Variants in SGCZ observed in about 807,000 individuals in gnomAD.
SGCZ encodes sarcoglycan zeta, also known as zeta-sarcoglycan.
Under a neutral mutation model 41.3 loss-of-function variants are expected in SGCZ, and 40 were observed. The ratio of observed to expected loss-of-function variants is 0.97; its 90% CI spans 0.75 to 1.26. The LOEUF is 1.26. SGCZ is among the 50% of genes most tolerant of loss of function. SGCZ has a pLI of 0.00. For missense variants in SGCZ, 552 were observed against 369.8 expected (o/e 1.49, Z -4.04); for synonymous variants, 206 against 137.5 (o/e 1.50, Z -3.49).
chr8:14,199,711 G>A (rs541535057), intron 4 of SGCZ, among the ~76,000 whole-genome samples: 1 of 151,992 alleles, frequency 6.6e-6, no homozygotes, highest in African/African-American at 2.4e-5. Flanking sequence ...AAATAGAAAA[G>A]AACCTACGTG....
intron 2 of SGCZ, among the ~76,000 whole-genome samples, chr8:14,339,845 AAC>A (rs1471391479): frequency 9.2e-5 from 14 of 152,198 alleles, no homozygotes; most frequent in African/African-American, 3.4e-4. Context: ...TATTGGAAAA[AAC>A]ACATGGGAAT....
rs536097539 is a variant in SGCZ, at chr8:14,391,794, T to C, written c.235-67590A>G. ...TTTAATTGGCTCACATTTCTTCAGGTTGTACAGGAAGCATAGCAGCTTCTG... is the reference window on the plus strand; with the variant it reads ...TTTAATTGGCTCACATTTCTTCAGGCTGTACAGGAAGCATAGCAGCTTCTG... On this transcript the variant is annotated intron_variant, in intron 2 of 7. Coordinates refer to ENST00000382080, the MANE Select transcript of SGCZ (RefSeq NM_139167.4). Among the ~76,000 whole-genome samples the C allele has an allele frequency of 2.0e-5, 3 of 152,248 alleles. No individual in the cohort carries two copies. In the East Asian group the frequency reaches 5.8e-4, roughly 29 times the overall value.
intron 2 of SGCZ, among the ~76,000 whole-genome samples, chr8:14,352,432 G>T (rs1379445049): frequency 6.6e-6 from 1 of 152,092 alleles, no homozygotes; most frequent in South Asian, 2.1e-4. Flanking sequence ...AAATAAGTTT[G>T]TGTAGTTTTA....
chr8:14,858,836 A>G (rs536992133), intron 1 of SGCZ, among the ~76,000 whole-genome samples: 221 of 152,316 alleles, frequency 1.5e-3, no homozygotes, highest in African/African-American at 5.0e-3. Flanking sequence ...CGGTTTAACA[A>G]AAAACGAGTT....
chr8:14,582,678 T>G (rs1267318916), intron 1 of SGCZ, among the ~76,000 whole-genome samples: 1 of 109,402 alleles, frequency 9.1e-6, no homozygotes, highest in Non-Finnish European at 1.7e-5. Context: ...CCCACAACAG[T>G]CCCCAGAGTG....
At chr8:15,180,034 T>C (rs1027941811) in intron 1 of SGCZ, among the ~76,000 whole-genome samples, 16 of 152,142 alleles carry the variant, frequency 1.1e-4, no homozygotes, top group Non-Finnish European at 1.8e-4. Flanking sequence ...CTATGTGTTA[T>C]AAAAAAAATT....
chr8:14,653,072 T>C (rs1365686253), intron 1 of SGCZ, among the ~76,000 whole-genome samples: 1 of 152,108 alleles, frequency 6.6e-6, no homozygotes, highest in African/African-American at 2.4e-5. Context: ...CATAAAATCC[T>C]CTATGTCTAT....
chr8:15,205,568 C>G (rs1337234981), intron 1 of SGCZ, among the ~76,000 whole-genome samples: 1 of 151,988 alleles, frequency 6.6e-6, no homozygotes, highest in Non-Finnish European at 1.5e-5. Flanking sequence ...CATCTCATAC[C>G]AGTCACAATG....
chr8:14,814,481 T>C (rs1801837791), intron 1 of SGCZ, among the ~76,000 whole-genome samples: 1 of 152,152 alleles, frequency 6.6e-6, no homozygotes. Context: ...CACCGGAGGC[T>C]CCTAAGAGGG....
At position 14,312,252 on chromosome 8, in the gene SGCZ, G is replaced by T. The variant is rs575474175; in HGVS notation, c.336+11851C>A. On this transcript the variant is annotated intron_variant, in intron 3 of 7. Transcript: ENST00000382080. ...CTTACTGTGGTTCAAATTCAAAAAA[G>T]ATTGAAAAACACTAAACTAGTTTAA... Among the ~76,000 whole-genome samples, 292 of 152,194 alleles carry T rather than the reference G, an allele frequency of 1.9e-3. 1 individual carries two copies. Among genetic ancestry groups the T allele is most frequent in the African/African-American group, 6.9e-3 (287 of 41,534 alleles).
At chr8:14,587,960 TA>T (rs1805115061) in intron 1 of SGCZ, among the ~76,000 whole-genome samples, 1 of 152,150 alleles carries the variant, frequency 6.6e-6, no homozygotes, top group South Asian at 2.1e-4. Context: ...ACTTCATGGG[TA>T]ACATCTTTCT....
intron 4 of SGCZ, among the ~76,000 whole-genome samples, chr8:14,211,564 A>G (rs2117096514): frequency 6.6e-6 from 1 of 152,300 alleles, no homozygotes; most frequent in South Asian, 2.1e-4. Context: ...CAGGCTTAAA[A>G]GGAAGCATTT....
At chr8:14,316,468 C>A (rs1376732459) in intron 3 of SGCZ, among the ~76,000 whole-genome samples, 1 of 151,706 alleles carries the variant, frequency 6.6e-6, no homozygotes, top group African/African-American at 2.4e-5. Flanking sequence ...CATAATAGGC[C>A]TGACTCAACT....
intron 1 of SGCZ, among the ~76,000 whole-genome samples, chr8:14,656,627 T>C (rs1299299076): frequency 4.3e-5 from 6 of 140,904 alleles, no homozygotes; most frequent in African/African-American, 1.6e-4. Flanking sequence ...TCTCTCTCTC[T>C]CCTCCCCTCT....
chr8:14,214,160 C>T (rs549503566), intron 4 of SGCZ, among the ~76,000 whole-genome samples: 1 of 152,132 alleles, frequency 6.6e-6, no homozygotes, highest in Non-Finnish European at 1.5e-5. Context: ...TGTGCTACTT[C>T]TGTCCTCCCC....
chr8:14,188,693 T>G (rs2117040512), intron 4 of SGCZ, among the ~76,000 whole-genome samples: 1 of 152,332 alleles, frequency 6.6e-6, no homozygotes, highest in African/African-American at 2.4e-5. Flanking sequence ...GTATGATATG[T>G]GAATTATATT....
At chr8:14,998,013 G>C (rs1399683685) in intron 1 of SGCZ, among the ~76,000 whole-genome samples, 1 of 152,030 alleles carries the variant, frequency 6.6e-6, no homozygotes, top group Non-Finnish European at 1.5e-5. Context: ...ATGAAGTAAA[G>C]AAATGCAACT....
At chr8:14,205,033 A>G (rs1343557526) in intron 4 of SGCZ, among the ~76,000 whole-genome samples, 3 of 152,108 alleles carry the variant, frequency 2.0e-5, no homozygotes, top group African/African-American at 4.8e-5. Flanking sequence ...CTATCTATTT[A>G]TTATCTATCT....
chr8:15,070,880 C>A (rs530788615), intron 1 of SGCZ, among the ~76,000 whole-genome samples: 3 of 152,060 alleles, frequency 2.0e-5, no homozygotes, highest in East Asian at 1.9e-4. Flanking sequence ...GTGTTCATCT[C>A]GGATCTGCCA....
Sources: gnomAD v4.1 joint callset for allele counts (sites outside exome capture counted in the v4.1 genomes callset) on GRCh38, gnomAD v4.1.1 for gene constraint, MANE v1.5 for transcripts, NCBI Gene and HGNC (gene_info 2026-07-23, HGNC 2026-07-21) for gene names.